The following PYHIN1 variants were observed in gnomAD, a reference collection of about 807,000 sequenced individuals.
PYHIN1 encodes pyrin and HIN domain family member 1, also known as pyrin and HIN domain-containing protein 1.
A neutral mutation model predicts 43.7 loss-of-function variants in PYHIN1; 32 were observed. The ratio of observed to expected loss-of-function variants is 0.73; its 90% CI spans 0.55 to 0.98. The LOEUF (loss-of-function observed/expected upper bound fraction) is 0.98. Ranked by LOEUF, PYHIN1 falls within the 50% of genes least tolerant of loss-of-function variation. The pLI, the probability that PYHIN1 is intolerant of heterozygous loss-of-function variation, is 0.00. For synonymous variants in PYHIN1, 205 were observed against 203.1 expected (o/e 1.01, Z -0.08); for missense variants, 588 against 589.5 (o/e 1.00, Z 0.03).
At chr1:158,959,181 A>C (rs1233912284) in intron 7 of PYHIN1, among the ~76,000 whole-genome samples, 1 of 150,450 alleles carries the variant, frequency 6.6e-6, no homozygotes, top group Non-Finnish European at 1.5e-5. Flanking sequence ...ACCCTGACCC[A>C]ACGACGGATG....
At chr1:158,938,270 C>A (rs1253635612) in intron 2 of PYHIN1, 127 bp from the exon 3 acceptor site, 2 of 992,962 alleles carry the variant, frequency 2.0e-6, no homozygotes, top group African/African-American at 1.6e-5. Context: ...TAGGCTAATG[C>A]AATAGAGATA....
At chr1:158,990,477 T>C in the PYHIN1 span, among the ~76,000 whole-genome samples, 1 of 152,188 alleles carries the variant, frequency 6.6e-6, no homozygotes, top group African/African-American at 2.4e-5. Context: ...TAAATCTCTC[T>C]GATTAACAAA....
intron 7 of PYHIN1, among the ~76,000 whole-genome samples, chr1:158,951,777 CAA>C (rs1649543997): frequency 6.6e-6 from 1 of 152,168 alleles, no homozygotes; most frequent in African/African-American, 2.4e-5. Flanking sequence ...TACTGGGGAG[CAA>C]AGTTTGCTCT....
chr1:158,975,118 T>C (rs187785087), intron 8 of PYHIN1, among the ~76,000 whole-genome samples: 1 of 152,184 alleles, frequency 6.6e-6, no homozygotes, highest in East Asian at 1.9e-4. Flanking sequence ...CCATTTCTTC[T>C]TTGATATCTA....
chr1:158,944,331 C>G (rs1230301593), intron 6 of PYHIN1, among the ~76,000 whole-genome samples: 5 of 152,150 alleles, frequency 3.3e-5, no homozygotes, highest in Non-Finnish European at 1.5e-5. Flanking sequence ...AAATAGCTTA[C>G]ATGTTCCTCA....
intron 7 of PYHIN1, among the ~76,000 whole-genome samples, chr1:158,958,548 T>C (rs964457286): frequency 7.2e-6 from 1 of 137,960 alleles, no homozygotes; most frequent in African/African-American, 2.8e-5. Flanking sequence ...TAGGTAGGAA[T>C]TGAACAATGA....
chr1:158,975,236 TG>T lies in PYHIN1; in HGVS notation c.*6-1464del, dbSNP rs1458676725. ...ATATCATAGATCATCCCAATAATACTGTGTTTGTATTAATTATTAATTTGTA... is the reference window on the plus strand; with the variant it reads ...ATATCATAGATCATCCCAATAATACTTGTTTGTATTAATTATTAATTTGTA... On this transcript the variant is annotated intron_variant, in intron 8 of 8. Coordinates refer to ENST00000368140, the MANE Select transcript of PYHIN1 (RefSeq NM_152501.5). Among the ~76,000 whole-genome samples, 3 of 3,552 alleles carry T rather than the reference TG, an allele frequency of 8.4e-4. No individual in the cohort carries two copies. In the East Asian group the frequency reaches 0.5, roughly 592 times the overall value. 2.3% of individuals were successfully genotyped at this position (3,552 alleles called of 152,430 possible).
At chr1:158,984,392 T>C in the PYHIN1 span, among the ~76,000 whole-genome samples, 1 of 152,270 alleles carries the variant, frequency 6.6e-6, no homozygotes, top group South Asian at 2.1e-4. Flanking sequence ...CTGCATTAAT[T>C]TAATTTATTA....
At position 158,939,165 on chromosome 1, in the gene PYHIN1, G is replaced by C; in HGVS notation, c.497G>C (p.Gly166Ala). ...KEQTRPSCSAGASTSTAMGRS... is the reference protein window; with the variant it reads ...KEQTRPSCSAAASTSTAMGRS... ...CAGACTCGGCCTTCCTGCTCTGCAG[G>C]AGCCAGCACGTCCACAGCCATGGGC... The change falls in exon 4 of 9, where the codon GGA becomes GCA. Residue 166 changes from glycine (G) to alanine (A), a missense_variant. Gly to Ala is a moderately conservative substitution (Grantham distance 60). Transcript: ENST00000368140. The C allele has an allele frequency of 6.2e-7, 1 of 1,613,986 alleles. No homozygotes were observed. Among genetic ancestry groups the C allele is most frequent in the South Asian group, 1.1e-5 (1 of 91,042 alleles).
rs752199220 is a variant in PYHIN1, at chr1:158,976,775, C to A, written c.*80C>A. On this transcript the variant is annotated 3_prime_UTR_variant, in exon 9 of 9. Transcript: ENST00000368140. ...GTGTGGAAATTTTGCCTGAAGTCCT[C>A]CACCTAAAAACCTGATGCCATTGGT... The A allele has an allele frequency of 1.3e-6, 2 of 1,484,258 alleles. No homozygotes were observed. The highest frequency in any genetic ancestry group is 9.3e-7 in the Non-Finnish European group (1 of 1,070,170). The allele number at this position is 1,484,258 out of a possible 1,614,324, so 91.9% of individuals were successfully genotyped here.
At chr1:158,957,844 A>G (rs1453890628) in intron 7 of PYHIN1, among the ~76,000 whole-genome samples, 1 of 148,812 alleles carries the variant, frequency 6.7e-6, no homozygotes, top group Non-Finnish European at 1.5e-5. Context: ...GAAAATTTTC[A>G]CAACCTACTC....
chr1:158,966,744 C>G (rs1403012585), intron 7 of PYHIN1, among the ~76,000 whole-genome samples: 1 of 152,082 alleles, frequency 6.6e-6, no homozygotes, highest in Non-Finnish European at 1.5e-5. Context: ...AACAAACCCA[C>G]AGCCAACATC....
In PYHIN1 at chr1:158,965,444, T is replaced by A. The variant is rs1221620033; in HGVS notation, c.1360-8203T>A. ...TCAACCTAAAACAATGGAACACACA[T>A]TCTTCTTACTGCCACATAGCACACA... On this transcript the variant is annotated intron_variant, in intron 7 of 8. Coordinates refer to ENST00000368140, the MANE Select transcript of PYHIN1 (RefSeq NM_152501.5). Among the ~76,000 whole-genome samples, 5 of 152,268 alleles carry A rather than the reference T, an allele frequency of 3.3e-5. No homozygotes were observed. In the South Asian group the frequency reaches 1.0e-3, roughly 32 times the overall value.
chr1:158,945,535 A>G (rs1649173911), intron 7 of PYHIN1: 1 of 152,472 alleles, frequency 6.6e-6, no homozygotes, highest in Non-Finnish European at 1.5e-5. Context: ...CACCAACTTA[A>G]GTATTTTCCT....
intron 4 of PYHIN1, among the ~76,000 whole-genome samples, chr1:158,941,468 C>A (rs1428737628): frequency 6.6e-6 from 1 of 152,146 alleles, no homozygotes; most frequent in Non-Finnish European, 1.5e-5. Context: ...GCTTTAACAG[C>A]ATTTATCTTA....
At chr1:158,936,832 ATCT>A in intron 1 of PYHIN1, 56 bp from the exon 2 acceptor site, 2 of 1,181,976 alleles carry the variant, frequency 1.7e-6, no homozygotes, top group South Asian at 2.0e-5. Flanking sequence ...ATAGGCATAC[ATCT>A]TCTTTTAAAT....
At chr1:158,962,157 T>A (rs1444091470) in intron 7 of PYHIN1, among the ~76,000 whole-genome samples, 1 of 152,134 alleles carries the variant, frequency 6.6e-6, no homozygotes, top group Non-Finnish European at 1.5e-5. Context: ...ACAGCACAGA[T>A]GCCTCATGAA....
At chr1:158,946,185 G>A (rs1649209765) in intron 7 of PYHIN1, among the ~76,000 whole-genome samples, 1 of 152,136 alleles carries the variant, frequency 6.6e-6, no homozygotes, top group Non-Finnish European at 1.5e-5. Flanking sequence ...TGAACAAAGT[G>A]TACTGTCATA....
chr1:158,938,057 G>A (rs1300446903), intron 2 of PYHIN1, among the ~76,000 whole-genome samples: 1 of 152,066 alleles, frequency 6.6e-6, no homozygotes, highest in Non-Finnish European at 1.5e-5. Context: ...TGGAGAATAT[G>A]ACTAAGCAGT....
Sources: gnomAD v4.1 joint callset for allele counts (sites outside exome capture counted in the v4.1 genomes callset) on GRCh38, gnomAD v4.1.1 for gene constraint, MANE v1.5 for transcripts, NCBI Gene and HGNC (gene_info 2026-07-23, HGNC 2026-07-21) for gene names.